The following IGFBP2 variants were observed in gnomAD, a reference collection of about 807,000 sequenced individuals.
The protein encoded by IGFBP2 is insulin-like growth factor-binding protein 2.
A neutral mutation model predicts 26.2 loss-of-function variants in IGFBP2; 12 were observed. That is an observed-to-expected ratio of 0.46 (90% CI 0.29 to 0.74). The LOEUF (loss-of-function observed/expected upper bound fraction) is 0.74, where lower values mean the gene tolerates loss of function less well. IGFBP2 is among the 30% of genes least tolerant of loss of function. IGFBP2 has a pLI of 0.09. For missense variants in IGFBP2, 328 were observed against 441.2 expected, an observed-to-expected ratio of 0.74 and a Z score of 2.30; for synonymous variants, 189 against 200.6, an observed-to-expected ratio of 0.94 and a Z score of 0.49.
rs536832120 is a variant in IGFBP2, at chr2:216,661,695, A to C, written c.673-163A>C. Reference sequence around the variant, plus strand: ...GTTGGGCACCCAGCATGGCAGGGAGATCCCCGGGCAGGCTGTCAGAAGTCC... The same window carrying C: ...GTTGGGCACCCAGCATGGCAGGGAGCTCCCCGGGCAGGCTGTCAGAAGTCC... On this transcript the variant is annotated intron_variant, in intron 2 of 3. Transcript: ENST00000233809. 370 of 775,992 alleles carry C rather than the reference A, an allele frequency of 4.8e-4. 1 individual carries two copies. The highest frequency in any genetic ancestry group is 3.9e-5 in the Non-Finnish European group (18 of 460,820). 48.1% of individuals were successfully genotyped at this position (775,992 alleles called of 1,614,324 possible). A position where few individuals can be genotyped will look rare whatever the true frequency, so the allele number is the denominator to read the frequency against.
intron 1 of IGFBP2, among the ~76,000 whole-genome samples, chr2:216,656,646 G>T (rs1232299864): frequency 6.6e-6 from 1 of 152,226 alleles, no homozygotes; most frequent in Non-Finnish European, 1.5e-5. Flanking sequence ...TCCAGGCATT[G>T]AGTTCGGGTG....
At chr2:216,637,204 C>A (rs1434684199) in intron 1 of IGFBP2, among the ~76,000 whole-genome samples, 1 of 152,186 alleles carries the variant, frequency 6.6e-6, no homozygotes, top group Non-Finnish European at 1.5e-5. Flanking sequence ...CACCTCCCCT[C>A]CCCCCATCTG....
At chr2:216,646,817 A>G (rs1697718495) in intron 1 of IGFBP2, among the ~76,000 whole-genome samples, 1 of 152,214 alleles carries the variant, frequency 6.6e-6, no homozygotes, top group Non-Finnish European at 1.5e-5. Flanking sequence ...GGTCCCTCCT[A>G]CAACATGTAG....
At chr2:216,652,188 T>G (rs1400128480) in intron 1 of IGFBP2, among the ~76,000 whole-genome samples, 2 of 151,658 alleles carry the variant, frequency 1.3e-5, no homozygotes, top group Non-Finnish European at 2.9e-5. Context: ...TTTTTTTTTT[T>G]TTGAGACTGA....
chr2:216,662,807 G>A (rs1023506068), intron 3 of IGFBP2: 2 of 151,954 alleles, frequency 1.3e-5, no homozygotes, highest in African/African-American at 2.4e-5. Flanking sequence ...AGCCTCCTGA[G>A]TAGCTGGGAT....
intron 1 of IGFBP2, among the ~76,000 whole-genome samples, chr2:216,645,874 A>T (rs1278179213): frequency 1.3e-5 from 2 of 152,214 alleles, no homozygotes; most frequent in African/African-American, 4.8e-5. Context: ...CAACAGCTTA[A>T]TGACCAACCA....
In IGFBP2 at chr2:216,664,131, C is replaced by T. The variant is rs374896873; in HGVS notation, c.*27C>T. 3.7e-5 allele frequency: 57 copies of T among 1,529,176 alleles called. No individual in the cohort carries two copies. In the African/African-American group the frequency reaches 7.1e-4, roughly 19 times the overall value. The allele number at this position is 1,529,176 out of a possible 1,614,324, so 94.7% of individuals were successfully genotyped here. ...CCGCAGCCAGCCGGTGCCTGGCGCCCCTGCCCCCCGCCCCTCTCCAAACAC... is the reference window on the plus strand; with the variant it reads ...CCGCAGCCAGCCGGTGCCTGGCGCCTCTGCCCCCCGCCCCTCTCCAAACAC... On this transcript the variant is annotated 3_prime_UTR_variant, in exon 4 of 4. Coordinates refer to ENST00000233809, the MANE Select transcript of IGFBP2 (RefSeq NM_000597.3). This position sits in a 1 kb window ranked among gnomAD's most constrained non-coding sequence, Gnocchi z 4.6.
chr2:216,640,355 C>T (rs146998057), intron 1 of IGFBP2, among the ~76,000 whole-genome samples: 14 of 152,230 alleles, frequency 9.2e-5, no homozygotes, highest in African/African-American at 2.2e-4. Context: ...TTAGCACTAG[C>T]GCTGCTTCTG....
At chr2:216,650,909 T>C (rs1303988418) in intron 1 of IGFBP2, among the ~76,000 whole-genome samples, 1 of 151,306 alleles carries the variant, frequency 6.6e-6, no homozygotes. Flanking sequence ...GCTCAGGGGG[T>C]GAGAAGGAAT....
chr2:216,649,604 A>G (rs1300236108), intron 1 of IGFBP2, among the ~76,000 whole-genome samples: 1 of 152,244 alleles, frequency 6.6e-6, no homozygotes, highest in Non-Finnish European at 1.5e-5. Context: ...GAAAGCTGAT[A>G]GTGCTGTTTG....
At chr2:216,634,478 G>A (rs1276003613) in intron 1 of IGFBP2, among the ~76,000 whole-genome samples, 1 of 152,138 alleles carries the variant, frequency 6.6e-6, no homozygotes, top group Non-Finnish European at 1.5e-5. Context: ...GGGGTTGTGA[G>A]TTGGAAAGAA....
chr2:216,663,570 C>G (rs1688699738), intron 3 of IGFBP2: 1 of 196,624 alleles, frequency 5.1e-6, no homozygotes, highest in Non-Finnish European at 1.0e-5. Flanking sequence ...GGTTTTACAC[C>G]TGACGCTATG....
intron 1 of IGFBP2, among the ~76,000 whole-genome samples, chr2:216,641,137 T>G (rs1360337370): frequency 1.3e-5 from 2 of 152,122 alleles, no homozygotes; most frequent in African/African-American, 4.8e-5. Flanking sequence ...CCAGGGTGCG[T>G]GTTGGGGTGG....
chr2:216,633,497 C>G lies in IGFBP2; in HGVS notation c.-27C>G. 3.0e-6 allele frequency: 2 copies of G among 661,076 alleles called. No homozygotes were observed. Among genetic ancestry groups the G allele is most frequent in the Non-Finnish European group, 3.7e-6 (2 of 534,126 alleles). The allele number at this position is 661,076 out of a possible 1,614,324, so 41.0% of individuals were successfully genotyped here. On this transcript the variant is annotated 5_prime_UTR_variant, in exon 1 of 4. Transcript: ENST00000233809. ...CCGCCCGCCCGCTCGCTCGCTCGCCCGCCGCGCCGCGCTGCCGACCGCCAG... is the reference window on the plus strand; with the variant it reads ...CCGCCCGCCCGCTCGCTCGCTCGCCGGCCGCGCCGCGCTGCCGACCGCCAG...
chr2:216,648,654 G>C (rs1574560295), intron 1 of IGFBP2, among the ~76,000 whole-genome samples: 1 of 152,126 alleles, frequency 6.6e-6, no homozygotes, highest in African/African-American at 2.4e-5. Context: ...CTGTCACCCA[G>C]GCTGGAGTCA....
At chr2:216,657,632 G>A (rs1474461899) in intron 1 of IGFBP2, among the ~76,000 whole-genome samples, 2 of 152,186 alleles carry the variant, frequency 1.3e-5, no homozygotes, top group Non-Finnish European at 2.9e-5. Flanking sequence ...CCATGTGGAG[G>A]AGCACAGAGG....
chr2:216,642,569 G>A (rs576221704), intron 1 of IGFBP2, among the ~76,000 whole-genome samples: 43 of 152,332 alleles, frequency 2.8e-4, no homozygotes, highest in African/African-American at 9.6e-4. Context: ...GCCTCCCAAA[G>A]TGCTGGGATT....
chr2:216,636,692 C>G (rs1697503198), intron 1 of IGFBP2, among the ~76,000 whole-genome samples: 1 of 152,100 alleles, frequency 6.6e-6, no homozygotes, highest in African/African-American at 2.4e-5. Flanking sequence ...CTAGAAATGT[C>G]AGGGTCGAGG....
At chr2:216,635,149 GT>G (rs929945777) in intron 1 of IGFBP2, among the ~76,000 whole-genome samples, 11 of 151,992 alleles carry the variant, frequency 7.2e-5, no homozygotes. Context: ...GTCGGCTATT[GT>G]TTTTTTCCCT....
Sources: gnomAD v4.1 joint callset for allele counts (sites outside exome capture counted in the v4.1 genomes callset) on GRCh38, gnomAD v4.1.1 for gene constraint, Gnocchi (gnomAD v3.1) non-coding constraint, MANE v1.5 for transcripts, NCBI Gene and HGNC (gene_info 2026-07-23, HGNC 2026-07-21) for gene names.